Variants in MITD1 observed in about 807,000 individuals in gnomAD.
MITD1 encodes the protein microtubule interacting and trafficking domain containing 1, also known as MIT domain-containing protein 1.
Under a neutral mutation model 34.9 loss-of-function variants are expected in MITD1, and 24 were observed. The observed-to-expected ratio is 0.69, with a 90% CI of 0.50 to 0.97. The LOEUF (loss-of-function observed/expected upper bound fraction) is 0.97. Ranked by LOEUF, MITD1 falls within the 50% of genes least tolerant of loss-of-function variation. The probability of loss-of-function intolerance (pLI) is 0.00; values close to 1 mark genes in which losing one functional copy is unlikely to be tolerated. For synonymous variants in MITD1, 102 were observed against 101.4 expected (o/e 1.01, Z -0.04); for missense variants, 266 against 294.6 (o/e 0.90, Z 0.71).
downstream of MITD1, chr2:99,169,202 G>A: frequency 2.2e-6 from 1 of 448,762 alleles, no homozygotes; most frequent in Non-Finnish European, 3.9e-6. Flanking sequence ...TAAATCTGCT[G>A]AGTAATATAT....
chr2:99,162,907 A>G (rs2093808404), intron 7 of MITD1: 3 of 1,613,454 alleles, frequency 1.9e-6, no homozygotes, highest in Non-Finnish European at 2.5e-6. Context: ...GCACCTGATC[A>G]TTGGTTGCCA....
intron 4 of MITD1, chr2:99,170,949 CATA>C (rs758194495): frequency 3.8e-5 from 10 of 261,274 alleles, no homozygotes; most frequent in Non-Finnish European, 6.6e-5. Flanking sequence ...TCGTAGAAAT[CATA>C]ATTATTTAGA....
At chr2:99,170,427 TTTAAATATTTATAAATTA>T (rs2093849470) in intron 5 of MITD1, 92 bp downstream of exon 5, 1 of 270,928 alleles carries the variant, frequency 3.7e-6, no homozygotes, top group South Asian at 1.5e-4. Flanking sequence ...TTATTTGAAT[TTTAAATATTTATAAATTA>T]TTAAATATTT....
downstream of MITD1, among the ~76,000 whole-genome samples, chr2:99,166,891 AT>A (rs1559174845): frequency 4.6e-5 from 4 of 87,584 alleles, no homozygotes; most frequent in African/African-American, 1.5e-4. Flanking sequence ...ATATATATAT[AT>A]ATATAAATTT....
At chr2:99,169,792 G>A (rs2093845429) in intron 5 of MITD1, among the ~76,000 whole-genome samples, 182 bp from the exon 6 acceptor site, 1 of 152,186 alleles carries the variant, frequency 6.6e-6, no homozygotes, top group East Asian at 1.9e-4. Flanking sequence ...AACAGTCATA[G>A]AAACAATCAG....
chr2:99,173,282 T>C, intron 2 of MITD1: 1 of 298,532 alleles, frequency 3.3e-6, no homozygotes, highest in Non-Finnish European at 7.1e-6. Context: ...CACTGGCTTT[T>C]GAGGGCAGCA....
Position 99,175,006 on chromosome 2 carries a change from G to A in MITD1, c.152-990C>T, listed in dbSNP as rs138750102. 4.8e-3 allele frequency among the ~76,000 whole-genome samples: 726 copies of A among 152,318 alleles called. 9 individuals carry two copies. The highest frequency in any genetic ancestry group is 0.017 in the African/African-American group (691 of 41,572). Reference sequence around the variant, plus strand: ...CTCCCAAAGTGCTGGGATTACAGGCGTGAGCCACACTGCCCAGCCAATAAT... The same window carrying A: ...CTCCCAAAGTGCTGGGATTACAGGCATGAGCCACACTGCCCAGCCAATAAT... On this transcript the variant is annotated intron_variant, in intron 1 of 6. Transcript: ENST00000289359.
In MITD1 at chr2:99,180,872, C is replaced by T. The variant is rs747327083; in HGVS notation, c.110G>A (p.Cys37Tyr). Residue 37 changes from cysteine to tyrosine, a missense_variant, in exon 1 of 7, where the codon TGT (cysteine) becomes TAT (tyrosine). Transcript: ENST00000289359. ...SESRYPQALV[C>Y]YQEGIDLLLQ... ...GAGCAGATCAATCCCCTCTTGGTAA[C>T]ACACCAGAGCCTGCGGATACCGCGA... is the stretch of plus-strand genomic sequence containing the variant. The T allele has an allele frequency of 2.5e-6, 4 of 1,614,242 alleles. No individual in the cohort carries two copies. In the South Asian group the frequency reaches 3.3e-5, roughly 13 times the overall value.
chr2:99,175,807 T>C (rs1212396929), intron 1 of MITD1, among the ~76,000 whole-genome samples: 2 of 152,264 alleles, frequency 1.3e-5, no homozygotes, highest in Non-Finnish European at 2.9e-5. Flanking sequence ...CTATGAGTTA[T>C]AATCCAATAC....
At position 99,171,466 on chromosome 2, in the gene MITD1, A is replaced by G. The variant is rs768743992; in HGVS notation, c.391-37T>C. On this transcript the variant is annotated intron_variant, in intron 3 of 6. Transcript: ENST00000289359. Reference sequence around the variant, plus strand: ...TAGAATGGATTATTACTAATTTAGTACATTGAATATGATATTTCATTATAT... The same window carrying G: ...TAGAATGGATTATTACTAATTTAGTGCATTGAATATGATATTTCATTATAT... 2.8e-5 allele frequency: 44 copies of G among 1,594,544 alleles called. No individual in the cohort carries two copies. The South Asian group carries it at 4.6e-4, about 17-fold the overall frequency.
intron 1 of MITD1, among the ~76,000 whole-genome samples, chr2:99,177,507 A>T (rs567473618): frequency 1.3e-5 from 2 of 152,222 alleles, no homozygotes; most frequent in Admixed American, 1.3e-4. Flanking sequence ...TAATGATCAA[A>T]TCAGGGTAAT....
intron 2 of MITD1, chr2:99,172,260 T>C (rs1559178684): frequency 6.6e-6 from 1 of 151,962 alleles, no homozygotes; most frequent in Non-Finnish European, 1.5e-5. Flanking sequence ...TGATGTCAGG[T>C]GCCTGTAGTC....
chr2:99,179,137 A>G (rs560454740), intron 1 of MITD1, among the ~76,000 whole-genome samples: 1 of 152,316 alleles, frequency 6.6e-6, no homozygotes, highest in East Asian at 1.9e-4. Flanking sequence ...TAACCCATCT[A>G]TGTGACATCA....
rs770685103 is a variant in MITD1 at position 99,170,552 on chromosome 2, T to C, written c.578A>G (p.His193Arg). Residue 193 changes from histidine to arginine, a missense_variant, in exon 5 of 7, where the codon CAT becomes CGT. Transcript: ENST00000289359. ...GTAGACTAACCTAATTTCTCGGTCA[T>C]GTATTGAAGAAGAGTATTGAACTTC... ...LLEVQYSSSI[H>R]DREIRFNNGW... 3.3e-6 allele frequency: 5 copies of C among 1,529,298 alleles called. No individual in the cohort carries two copies. In the South Asian group the frequency reaches 4.7e-5, roughly 14 times the overall value. The allele number at this position is 1,529,298 out of a possible 1,614,324, so 94.7% of individuals were successfully genotyped here.
At chr2:99,167,801 A>G (rs78609119), downstream of MITD1, among the ~76,000 whole-genome samples, 633 of 152,288 alleles carry the variant, frequency 4.2e-3, 1 homozygote, top group Admixed American at 7.7e-3. Context: ...TTAGTAAATT[A>G]GTTTGAGTCT....
At chr2:99,164,344 A>G (rs779006719), downstream of MITD1, among the ~76,000 whole-genome samples, 6 of 151,592 alleles carry the variant, frequency 4.0e-5, no homozygotes, top group African/African-American at 9.7e-5. Flanking sequence ...TCTTCTTTCA[A>G]GACAGGGTCT....
In MITD1 at chr2:99,169,275, T is replaced by C. The variant is rs1392084715; in HGVS notation, c.*100A>G. 1 of 608,788 alleles carries C rather than the reference T, an allele frequency of 1.6e-6. No homozygotes were observed. Among genetic ancestry groups the C allele is most frequent in the Non-Finnish European group, 2.9e-6 (1 of 349,772 alleles). The allele number at this position is 608,788 out of a possible 1,614,324, so 37.7% of individuals were successfully genotyped here. A position where few individuals can be genotyped will look rare whatever the true frequency, so the allele number is the denominator to read the frequency against. On this transcript the variant is annotated 3_prime_UTR_variant, in exon 7 of 7. Coordinates refer to ENST00000289359, the MANE Select transcript of MITD1 (RefSeq NM_138798.3). Reference sequence around the variant, plus strand: ...ATGGATCCATAAATTAGTAGAAATATAAAAGTTTATTGTTAAATTCATACA... The same window carrying C: ...ATGGATCCATAAATTAGTAGAAATACAAAAGTTTATTGTTAAATTCATACA...
intron 7 of MITD1, chr2:99,162,416 C>T (rs779325293): frequency 6.2e-7 from 1 of 1,614,002 alleles, no homozygotes; most frequent in South Asian, 1.1e-5. Flanking sequence ...AAAGATTTGA[C>T]CTTTTACTTG....
At chr2:99,161,843 A>G (rs2093795281), downstream of MITD1, 25 of 877,616 alleles carry the variant, frequency 2.8e-5, 1 homozygote, top group South Asian at 4.7e-4. Flanking sequence ...GCCAAAAGCA[A>G]CTGCACTGGA....
Sources: gnomAD v4.1 joint callset for allele counts (sites outside exome capture counted in the v4.1 genomes callset) on GRCh38, gnomAD v4.1.1 for gene constraint, MANE v1.5 for transcripts, NCBI Gene and HGNC (gene_info 2026-07-23, HGNC 2026-07-21) for gene names.